IFT140: variants seen among roughly 807,000 people sequenced by gnomAD.
IFT140 encodes intraflagellar transport 140, also known as intraflagellar transport protein 140 homolog.
A neutral mutation model predicts 164.6 loss-of-function variants in IFT140; 133 were observed. The observed-to-expected ratio is 0.81, with a 90% CI of 0.70 to 0.93. IFT140 has a LOEUF of 0.93. Ranked by LOEUF, IFT140 falls within the 40% of genes least tolerant of loss-of-function variation. IFT140 has a pLI of 0.00. For missense variants in IFT140, 2,045 were observed against 1,972.3 expected (o/e 1.04, Z -0.70); for synonymous variants, 860 against 817.3 (o/e 1.05, Z -0.89).
chr16:1,580,954 A>C (rs1219912592), intron 12 of IFT140, 104 bp from the exon 13 acceptor site: 3 of 756,882 alleles, frequency 4.0e-6, no homozygotes, highest in African/African-American at 1.7e-5. Flanking sequence ...TCTCAGCCTC[A>C]CCACAGCTTC....
chr16:1,587,328 C>T, intron 8 of IFT140, 24 bp from the exon 9 acceptor site: 1 of 1,467,032 alleles, frequency 6.8e-7, no homozygotes, highest in Non-Finnish European at 9.6e-7. Flanking sequence ...AAGCAAGCCC[C>T]ATGGAGGGCC....
intron 12 of IFT140, among the ~76,000 whole-genome samples, 191 bp from the exon 13 acceptor site, chr16:1,581,041 T>C (rs1351146041): frequency 2.0e-5 from 3 of 152,176 alleles, no homozygotes; most frequent in African/African-American, 4.8e-5. Flanking sequence ...TGGCCACGGC[T>C]AGCAGTGGCA....
intron 19 of IFT140, among the ~76,000 whole-genome samples, chr16:1,547,308 G>C (rs2032256985): frequency 6.6e-6 from 1 of 152,160 alleles, no homozygotes; most frequent in African/African-American, 2.4e-5. Context: ...AAGCTGACTT[G>C]TAGAAGTCCG....
intron 19 of IFT140, chr16:1,532,070 T>A (rs1330623282): frequency 6.6e-6 from 1 of 152,288 alleles, no homozygotes; most frequent in Non-Finnish European, 1.5e-5. Flanking sequence ...TTAGGAACAC[T>A]GAGTGTTTGA....
chr16:1,533,323 G>T lies in IFT140; in HGVS notation c.2400-6527C>A, dbSNP rs945998656. The stretch of plus-strand genomic sequence containing the variant: ...AGGCTTGTGGTTCCTATGGTCCTGG[G>T]GGTACCTATGGTCCTGGGGGCAACT... On this transcript the variant is annotated intron_variant, in intron 19 of 30. Transcript: ENST00000426508. The surrounding 1 kb of genome is among the most constrained non-coding windows in gnomAD (Gnocchi z 4.7). 6.6e-6 allele frequency: 1 copy of T among 151,572 alleles called. No individual in the cohort carries two copies. Among genetic ancestry groups the T allele is most frequent in the African/African-American group, 2.4e-5 (1 of 41,248 alleles). 9.4% of individuals were successfully genotyped at this position (151,572 alleles called of 1,614,324 possible).
rs776522796 is a variant in IFT140 at position 1,587,239 on chromosome 16, T to G, written c.968A>C (p.Lys323Thr). 3.1e-6 allele frequency: 5 copies of G among 1,613,038 alleles called. No homozygotes were observed. The highest frequency in any genetic ancestry group is 4.2e-6 in the Non-Finnish European group (5 of 1,179,042). Residue 323 changes from lysine to threonine, a missense_variant, in exon 9 of 31, where the codon AAA becomes ACA. Coordinates refer to ENST00000426508, the MANE Select transcript of IFT140 (RefSeq NM_014714.4). Reference protein sequence around the residue: ...LSPDEKFGFEKGENMNCVCYC... With the variant: ...LSPDEKFGFETGENMNCVCYC... ...ACACACACAGTTCATATTCTCTCCT[T>G]TCTCAAAGCCAAACTTCTCATCTGG...
chr16:1,601,646 C>T (rs562790064), intron 4 of IFT140, among the ~76,000 whole-genome samples: 2 of 152,334 alleles, frequency 1.3e-5, no homozygotes, highest in Non-Finnish European at 2.9e-5. Context: ...CAACTCCTCT[C>T]ATAATGTAGA....
At chr16:1,579,221 G>T (rs2034430545) in intron 13 of IFT140, 2 of 152,130 alleles carry the variant, frequency 1.3e-5, no homozygotes, top group Non-Finnish European at 2.9e-5. Context: ...TATTTGTGAG[G>T]TGGAAGTGGG....
intron 19 of IFT140, among the ~76,000 whole-genome samples, chr16:1,534,909 A>G (rs1179358518): frequency 1.3e-5 from 2 of 152,222 alleles, no homozygotes; most frequent in Non-Finnish European, 1.5e-5. Flanking sequence ...TCCTTGGTTG[A>G]AAATAATTAT....
chr16:1,588,735 G>A lies in IFT140; in HGVS notation c.811-711C>T, dbSNP rs544573141. On this transcript the variant is annotated intron_variant, in intron 7 of 30. Coordinates refer to ENST00000426508, the MANE Select transcript of IFT140 (RefSeq NM_014714.4). ...ACCGGCCAGTGAGGAACTGAGCAGG[G>A]TATTTAAAGCAAGGTCTGTGGACTG... Among the ~76,000 whole-genome samples, 72 of 152,172 alleles carry A rather than the reference G, an allele frequency of 4.7e-4. 1 individual carries two copies. The South Asian group carries it at 0.014, about 29-fold the overall frequency.
At chr16:1,606,230 G>A (rs781031510) in intron 3 of IFT140, among the ~76,000 whole-genome samples, 6 of 152,240 alleles carry the variant, frequency 3.9e-5, no homozygotes, top group African/African-American at 7.2e-5. Flanking sequence ...CCTATGGAGC[G>A]TGCAGGAGGG....
At chr16:1,557,327 G>T (rs562030640) in intron 19 of IFT140, among the ~76,000 whole-genome samples, 9 of 152,178 alleles carry the variant, frequency 5.9e-5, no homozygotes, top group Admixed American at 5.9e-4. Context: ...GGACGACAGC[G>T]GGCCGGGGTC....
At chr16:1,599,857 C>T (rs1428461216) in intron 4 of IFT140, among the ~76,000 whole-genome samples, 4 of 96,346 alleles carry the variant, frequency 4.2e-5, no homozygotes, top group East Asian at 3.9e-4. Flanking sequence ...CCCGGCCAGC[C>T]GCCCCGTCCG....
intron 19 of IFT140, among the ~76,000 whole-genome samples, chr16:1,528,334 T>TGCACACACACGCATGCACGCACGTGC (rs2029968736): frequency 9.6e-6 from 1 of 104,168 alleles, no homozygotes; most frequent in African/African-American, 4.1e-5. Flanking sequence ...CACGCACGTG[T>TGCACACACACGCATGCACGCACGTGC]GCACACACAC....
At position 1,590,438 on chromosome 16, in the gene IFT140, G is replaced by A. The variant is rs145639736; in HGVS notation, c.635-658C>T. ...GCCCTAAATGACAAGCCCTCTCTGT[G>A]GCCACTACTCCCTGTCCTTTCTGCC... On this transcript the variant is annotated intron_variant, in intron 6 of 30. Transcript: ENST00000426508. Among the ~76,000 whole-genome samples, 16 of 152,150 alleles carry A rather than the reference G, an allele frequency of 1.1e-4. No individual in the cohort carries two copies. The East Asian group carries it at 3.1e-3, about 30-fold the overall frequency.
chr16:1,576,704 T>A (rs8182161), intron 13 of IFT140: 28,587 of 152,016 alleles, frequency 0.19, 3,466 homozygotes, highest in African/African-American at 0.33. Flanking sequence ...GTATGTCGCG[T>A]ATGCATAAAA....
chr16:1,565,127 A>G (rs1327561506), intron 16 of IFT140, among the ~76,000 whole-genome samples: 3 of 152,186 alleles, frequency 2.0e-5, no homozygotes, highest in African/African-American at 7.2e-5. Flanking sequence ...GAAGCCACAC[A>G]CGGCAGGCGC....
intron 10 of IFT140, among the ~76,000 whole-genome samples, chr16:1,585,766 CTTTTTTTTTT>C (rs916504738): frequency 8.4e-6 from 1 of 119,362 alleles, no homozygotes. Flanking sequence ...CCTCCACTTT[CTTTTTTTTTT>C]TTTTTTTTTT....
At chr16:1,580,575 C>G in intron 13 of IFT140, 184 bp downstream of exon 13, 1 of 512,584 alleles carries the variant, frequency 2.0e-6, no homozygotes, top group South Asian at 2.3e-5. Context: ...TCCTGTAAAG[C>G]CTGCAGTAAT....
Sources: allele counts gnomAD v4.1 joint callset (sites outside exome capture counted in the v4.1 genomes callset), GRCh38; gene constraint gnomAD v4.1.1; non-coding constraint Gnocchi (gnomAD v3.1); transcripts MANE v1.5; gene names NCBI Gene and HGNC (gene_info 2026-07-23, HGNC 2026-07-21).